DLC1: variants seen among roughly 807,000 people sequenced by gnomAD.
DLC1 encodes the protein rho GTPase-activating protein 7.
Under a neutral mutation model 140.3 loss-of-function variants are expected in DLC1, and 54 were observed. The observed-to-expected ratio is 0.38, with a 90% CI of 0.31 to 0.48. DLC1 has a LOEUF of 0.48. DLC1 is among the 20% of genes least tolerant of loss of function. DLC1 has a pLI of 0.96. For synonymous variants in DLC1, 986 were observed against 728.1 expected (o/e 1.35, Z -5.70); for missense variants, 2,536 against 1,907.0 (o/e 1.33, Z -6.14).
In DLC1 at chr8:13,286,602, C is replaced by T. The variant is rs77385066; in HGVS notation, c.1348+18667G>A. ...TCCTTTTCAAGGCACAGAATGCAAC[C>T]TGAAAAAATACTTATTAAAGTGAAC... On this transcript the variant is annotated intron_variant, in intron 5 of 17. Transcript: ENST00000276297. 1.4e-4 allele frequency among the ~76,000 whole-genome samples: 21 copies of T among 151,158 alleles called. No homozygotes were observed. In the East Asian group the frequency reaches 4.1e-3, roughly 29 times the overall value.
chr8:13,195,323 G>A (rs1209753882), intron 5 of DLC1, among the ~76,000 whole-genome samples: 2 of 152,158 alleles, frequency 1.3e-5, no homozygotes, highest in African/African-American at 4.8e-5. Context: ...TCCTTCTGTT[G>A]CAAGATCAAA....
At chr8:13,346,448 C>G (rs1834344131) in intron 4 of DLC1, among the ~76,000 whole-genome samples, 1 of 152,238 alleles carries the variant, frequency 6.6e-6, no homozygotes, top group Non-Finnish European at 1.5e-5. Flanking sequence ...CAAATCTGCT[C>G]TTTGGAACTC....
chr8:13,491,211 G>C (rs1479260859), intron 2 of DLC1, among the ~76,000 whole-genome samples: 1 of 151,274 alleles, frequency 6.6e-6, no homozygotes, highest in Non-Finnish European at 1.5e-5. Flanking sequence ...AATTAAAAAA[G>C]AATTTGTCAG....
chr8:13,368,944 C>A (rs1317335486), intron 4 of DLC1, among the ~76,000 whole-genome samples: 2 of 152,126 alleles, frequency 1.3e-5, no homozygotes, highest in Non-Finnish European at 2.9e-5. Flanking sequence ...CTGCCTCAGC[C>A]TCCCAAGTAG....
In DLC1 at chr8:13,196,138, G is replaced by A. The variant is rs999220135; in HGVS notation, c.1349-80481C>T. Among the ~76,000 whole-genome samples, 6 of 145,820 alleles carry A rather than the reference G, an allele frequency of 4.1e-5. No homozygotes were observed. In the East Asian group the frequency reaches 8.5e-4, roughly 21 times the overall value. ...CACACACACACACACACGTGAACTC[G>A]AAGAAATATCAACACATGAGAGTGG... On this transcript the variant is annotated intron_variant, in intron 5 of 17. Coordinates refer to ENST00000276297, the MANE Select transcript of DLC1 (RefSeq NM_182643.3).
intron 2 of DLC1, among the ~76,000 whole-genome samples, chr8:13,432,803 GA>G (rs375335277): frequency 6.6e-6 from 1 of 152,322 alleles, no homozygotes; most frequent in African/African-American, 2.4e-5. Context: ...CAGGAGGTGA[GA>G]AAATGAAGAC....
chr8:13,442,801 C>T (rs1295753025), intron 2 of DLC1, among the ~76,000 whole-genome samples: 1 of 152,280 alleles, frequency 6.6e-6, no homozygotes, highest in Non-Finnish European at 1.5e-5. Context: ...TGTGGTGATT[C>T]CTCTGGGATC....
intron 1 of DLC1, among the ~76,000 whole-genome samples, chr8:13,505,169 A>AT (rs1305377226): frequency 1.3e-5 from 2 of 152,294 alleles, no homozygotes; most frequent in African/African-American, 2.4e-5. Context: ...GCTGTGGCTA[A>AT]TTTTTTTCAT....
At chr8:13,555,838 A>G (rs984079527) in intron 1 of DLC1, among the ~76,000 whole-genome samples, 6 of 151,972 alleles carry the variant, frequency 3.9e-5, no homozygotes, top group African/African-American at 1.5e-4. Flanking sequence ...AAAGGACTCA[A>G]TGATAGTAAG....
chr8:13,416,940 G>C (rs760461871), intron 2 of DLC1, among the ~76,000 whole-genome samples: 2 of 151,814 alleles, frequency 1.3e-5, no homozygotes, highest in African/African-American at 2.4e-5. Context: ...ATTAAAATCT[G>C]TTATGTGCCT....
At chr8:13,266,567 A>C (rs1232153161) in intron 5 of DLC1, among the ~76,000 whole-genome samples, 1 of 152,048 alleles carries the variant, frequency 6.6e-6, no homozygotes, top group African/African-American at 2.4e-5. Context: ...CAACATGGTG[A>C]AACCCCATCT....
chr8:13,462,363 C>T (rs1025980912), intron 2 of DLC1, among the ~76,000 whole-genome samples: 1 of 151,716 alleles, frequency 6.6e-6, no homozygotes, highest in African/African-American at 2.4e-5. Flanking sequence ...GACAATGTAT[C>T]CTGAACAAGA....
chr8:13,371,045 G>C (rs1835703063), intron 4 of DLC1, among the ~76,000 whole-genome samples: 1 of 152,206 alleles, frequency 6.6e-6, no homozygotes, highest in African/African-American at 2.4e-5. Context: ...TCCTCAAATG[G>C]AAATTTGGGT....
chr8:13,510,726 C>G (rs973144326), intron 1 of DLC1, among the ~76,000 whole-genome samples: 1 of 152,154 alleles, frequency 6.6e-6, no homozygotes, highest in Non-Finnish European at 1.5e-5. Context: ...GTGCTCTGTT[C>G]TCACTGGCCT....
At chr8:13,377,656 A>G (rs1291842067) in intron 4 of DLC1, among the ~76,000 whole-genome samples, 2 of 152,152 alleles carry the variant, frequency 1.3e-5, no homozygotes. Flanking sequence ...ATAACGTTAC[A>G]AGCCCTGAAA....
At chr8:13,326,059 C>T (rs1833332318) in intron 4 of DLC1, among the ~76,000 whole-genome samples, 1 of 152,106 alleles carries the variant, frequency 6.6e-6, no homozygotes, top group African/African-American at 2.4e-5. Context: ...TAAATAAATA[C>T]CATATAGGTT....
At chr8:13,285,856 C>T (rs1486773873) in intron 5 of DLC1, among the ~76,000 whole-genome samples, 4 of 152,000 alleles carry the variant, frequency 2.6e-5, no homozygotes, top group African/African-American at 9.7e-5. Context: ...GATAATTCTA[C>T]AAAAGTCAAA....
At chr8:13,406,621 A>T (rs1837575068) in intron 2 of DLC1, among the ~76,000 whole-genome samples, 2 of 152,060 alleles carry the variant, frequency 1.3e-5, no homozygotes, top group South Asian at 4.1e-4. Flanking sequence ...TATTTCTCAT[A>T]TGACATGTTT....
chr8:13,301,833 A>AT (rs1196441101), intron 5 of DLC1, among the ~76,000 whole-genome samples: 7 of 152,188 alleles, frequency 4.6e-5, no homozygotes, highest in African/African-American at 1.7e-4. Flanking sequence ...TGAACTGCAC[A>AT]TGTGAGGGTT....
Sources: allele counts gnomAD v4.1 joint callset (sites outside exome capture counted in the v4.1 genomes callset), GRCh38; gene constraint gnomAD v4.1.1; transcripts MANE v1.5; gene names NCBI Gene and HGNC (gene_info 2026-07-23, HGNC 2026-07-21).